Variants in PTPRA observed in about 807,000 individuals in gnomAD.
The protein encoded by PTPRA is receptor-type tyrosine-protein phosphatase alpha.
Under a neutral mutation model 104.8 loss-of-function variants are expected in PTPRA, and 25 were observed. That is an observed-to-expected ratio of 0.24 (90% CI 0.17 to 0.33). PTPRA has a LOEUF of 0.33. Ranked by LOEUF, PTPRA falls within the 10% of genes least tolerant of loss-of-function variation. The probability of loss-of-function intolerance (pLI) is 1.00; values close to 1 mark genes in which losing one functional copy is unlikely to be tolerated. For synonymous variants in PTPRA, 323 were observed against 368.9 expected (o/e 0.88, Z 1.43); for missense variants, 765 against 1,015.3 (o/e 0.75, Z 3.35).
At chr20:3,017,784 A>T in intron 12 of PTPRA, 32 bp from the exon 13 acceptor site, 1 of 1,578,504 alleles carries the variant, frequency 6.3e-7, no homozygotes, top group Non-Finnish European at 8.7e-7. Flanking sequence ...CTTGGTGTAT[A>T]TTCTCTTCAT....
intron 1 of PTPRA, among the ~76,000 whole-genome samples, chr20:2,919,616 T>A (rs1034303984): frequency 6.6e-6 from 1 of 151,888 alleles, no homozygotes; most frequent in South Asian, 2.1e-4. Flanking sequence ...AAATCATAGT[T>A]CACTGCAACC....
Position 3,007,360 on chromosome 20 carries a change from C to T in PTPRA, c.846C>T (p.Val282=). ...GTTTCCTAGATGACCACTCTAGAGT[C>T]CACCTGACACCGGTTGAAGGGGTTC... is the stretch of plus-strand genomic sequence containing the variant. ...VNILPYDHSR[V]HLTPVEGVPD... Residue 282 remains valine, a synonymous_variant, in exon 11 of 24, where the codon GTC becomes GTT. Transcript: ENST00000399903. The T allele has an allele frequency of 1.2e-6, 2 of 1,613,956 alleles. No homozygotes were observed. Among genetic ancestry groups the T allele is most frequent in the Non-Finnish European group, 1.7e-6 (2 of 1,179,852 alleles).
chr20:2,880,214 A>G lies in PTPRA; in HGVS notation c.-129+6454A>G, dbSNP rs545426168. 3.9e-5 allele frequency among the ~76,000 whole-genome samples: 6 copies of G among 152,350 alleles called. No individual in the cohort carries two copies. In the East Asian group the frequency reaches 1.2e-3, roughly 29 times the overall value. ...CTGTAGTCCAGAGCAGTAGTTTTCA[A>G]ATTGAGGTAGATAAGATGATCCAGG... is the stretch of plus-strand genomic sequence containing the variant. On this transcript the variant is annotated intron_variant, in intron 1 of 23. Coordinates refer to ENST00000399903, the MANE Select transcript of PTPRA (RefSeq NM_001385305.1).
intron 9 of PTPRA, among the ~76,000 whole-genome samples, chr20:2,994,241 A>G (rs116635089): frequency 0.022 from 3,412 of 152,228 alleles, 99 homozygotes; most frequent in African/African-American, 0.065. Flanking sequence ...GTTCCTCCTT[A>G]CAGATGCCTG....
chr20:2,921,637 A>G (rs2060100934), intron 1 of PTPRA, among the ~76,000 whole-genome samples: 1 of 152,054 alleles, frequency 6.6e-6, no homozygotes, highest in Non-Finnish European at 1.5e-5. Context: ...GTGAACGTGA[A>G]TGTTAATTTA....
At chr20:2,999,278 A>G (rs945875093) in intron 9 of PTPRA, among the ~76,000 whole-genome samples, 1 of 152,182 alleles carries the variant, frequency 6.6e-6, no homozygotes, top group South Asian at 2.1e-4. Flanking sequence ...AAAGATGTCA[A>G]TTCTCCCCCA....
rs1445531398 is a variant in PTPRA, at chr20:3,035,636, A to G, written c.1972A>G (p.Ile658Val). ...TGATGGACTGGTGTCCTATGGAGAT[A>G]TTACAGTGGAACTGAAGAAGGAGGA... ...PSDGLVSYGD[I>V]TVELKKEEEC... The change falls in exon 21 of 24, where the codon ATT becomes GTT. Residue 658 changes from isoleucine (I) to valine (V), a missense_variant. Physicochemically the swap from Ile to Val is conservative, Grantham distance 29 (BLOSUM62 3). Coordinates refer to ENST00000399903, the MANE Select transcript of PTPRA (RefSeq NM_001385305.1). The surrounding 1 kb of genome is among the most constrained non-coding windows in gnomAD (Gnocchi z 5.8). 9.3e-6 allele frequency: 15 copies of G among 1,613,804 alleles called. No individual in the cohort carries two copies. Among genetic ancestry groups the G allele is most frequent in the Admixed American group, 1.7e-5 (1 of 59,996 alleles).
intron 3 of PTPRA, 58 bp downstream of exon 3, chr20:2,948,082 C>G (rs2061205158): frequency 3.4e-6 from 3 of 873,316 alleles, no homozygotes; most frequent in Non-Finnish European, 4.8e-6. Context: ...AGAAAGGAAA[C>G]ATGGAATTCT....
chr20:2,964,925 G>C lies in PTPRA; in HGVS notation c.138G>C (p.Glu46Asp). Residue 46 changes from glutamate to aspartate, a missense_variant, in exon 5 of 24, where the codon GAG becomes GAC. Around this residue, in one of 4 missense-constraint regions of PTPRA, gnomAD observed 256 missense variants for 248.9 expected, o/e 1.03. Transcript: ENST00000399903. ...CAACGGCAGAACCAGTTAAAGAAGA[G>C]GCCAAAACTTCAAATCCAACTTCTT... The part of the protein sequence containing the change: ...NSSTAEPVKE[E>D]AKTSNPTSSL... 2 of 1,614,048 alleles carry C rather than the reference G, an allele frequency of 1.2e-6. No homozygotes were observed. Among genetic ancestry groups the C allele is most frequent in the Non-Finnish European group, 1.7e-6 (2 of 1,179,962 alleles).
At chr20:2,895,564 T>TC (rs2147034468) in intron 1 of PTPRA, among the ~76,000 whole-genome samples, 1 of 152,316 alleles carries the variant, frequency 6.6e-6, no homozygotes, top group African/African-American at 2.4e-5. Flanking sequence ...TCACCCAGGC[T>TC]GGAGTGCAAT....
At position 3,015,851 on chromosome 20, in the gene PTPRA, C is replaced by T. The variant is rs1178016; in HGVS notation, c.909C>T (p.Gly303=). 797,230 of 1,550,636 alleles carry T rather than the reference C, an allele frequency of 0.51. 209,412 individuals carry two copies. Among genetic ancestry groups the T allele is most frequent in the East Asian group, 0.84 (37,499 of 44,418 alleles). ...TTCTTTCCTTCCCCACACCCCAGGG[C>T]TACCAAGAAAAGAACAAATTCATTG... ...SDYINASFIN[G]YQEKNKFIAA... The change falls in exon 12 of 24, where the codon GGC becomes GGT. Residue 303 remains glycine, a splice_region_variant and synonymous_variant. Coordinates refer to ENST00000399903, the MANE Select transcript of PTPRA (RefSeq NM_001385305.1).
chr20:3,033,268 CTAAA>C (rs2065609230), intron 20 of PTPRA, among the ~76,000 whole-genome samples: 1 of 151,948 alleles, frequency 6.6e-6, no homozygotes, highest in Non-Finnish European at 1.5e-5. Flanking sequence ...TCTTAGCCAT[CTAAA>C]TAAATAGTAC....
At chr20:2,949,927 T>C (rs1454291872) in intron 3 of PTPRA, among the ~76,000 whole-genome samples, 1 of 152,160 alleles carries the variant, frequency 6.6e-6, no homozygotes, top group Non-Finnish European at 1.5e-5. Flanking sequence ...TTGGATAAAC[T>C]CAACTGGATC....
Position 3,037,171 on chromosome 20 carries a change from C to T in PTPRA, c.2216C>T (p.Thr739Met), listed in dbSNP as rs1472189220. 6.2e-7 allele frequency: 1 copy of T among 1,614,122 alleles called. No homozygotes were observed. Residue 739 changes from threonine (T) to methionine (M), a missense_variant, in exon 23 of 24, where the codon ACG becomes ATG. By Grantham distance (81) the Thr-to-Met change is moderately conservative. Transcript: ENST00000399903. The surrounding 1 kb of genome is among the most constrained non-coding windows in gnomAD (Gnocchi z 4.3). ...TVHCSAGAGR[T>M]GTFCALSTVL... ...TGTTGCAGCGCCGGGGCAGGAAGGA[C>T]GGGGACCTTCTGTGCCCTGAGCACC... is the stretch of plus-strand genomic sequence containing the variant.
At chr20:3,010,563 G>A (rs917539500) in intron 11 of PTPRA, among the ~76,000 whole-genome samples, 12 of 152,256 alleles carry the variant, frequency 7.9e-5, no homozygotes, top group Non-Finnish European at 1.5e-4. Context: ...GGGAGGCGGA[G>A]CTTGCAGTGA....
intron 12 of PTPRA, 65 bp from the exon 13 acceptor site, chr20:3,017,751 C>T (rs900418411): frequency 9.2e-5 from 131 of 1,426,648 alleles, no homozygotes; most frequent in Admixed American, 4.9e-4. Flanking sequence ...AATGGATGTT[C>T]CCAGCCTCCC....
chr20:2,885,941 A>G (rs986635123), intron 1 of PTPRA, among the ~76,000 whole-genome samples: 2 of 152,112 alleles, frequency 1.3e-5, no homozygotes, highest in South Asian at 2.1e-4. Flanking sequence ...GCACGCACCT[A>G]TAATCCCAGC....
At chr20:2,864,366 G>A in the PTPRA span, 51 of 1,614,076 alleles carry the variant, frequency 3.2e-5, no homozygotes, top group South Asian at 5.4e-4. The surrounding 1 kb of genome is among the most constrained non-coding windows in gnomAD (Gnocchi z 5.2). Flanking sequence ...CTCCTGCAGT[G>A]TTCACGGTGT....
Position 3,017,880 on chromosome 20 carries a change from C to A in PTPRA, c.1008C>A (p.Ile336=). Reference sequence around the variant, plus strand: ...TCTGGGAACAAAACACAGCCACCATCGTCATGGTTACCAACCTGAAGGAGA... The same window carrying A: ...TCTGGGAACAAAACACAGCCACCATAGTCATGGTTACCAACCTGAAGGAGA... The part of the protein sequence containing the change: ...RMIWEQNTAT[I]VMVTNLKERK... The change falls in exon 13 of 24, where the codon ATC becomes ATA. Residue 336 remains isoleucine, a synonymous_variant. Coordinates refer to ENST00000399903, the MANE Select transcript of PTPRA (RefSeq NM_001385305.1). 6.2e-7 allele frequency: 1 copy of A among 1,614,122 alleles called. No homozygotes were observed. The highest frequency in any genetic ancestry group is 8.5e-7 in the Non-Finnish European group (1 of 1,180,006).
Sources: gnomAD v4.1 joint callset for allele counts (sites outside exome capture counted in the v4.1 genomes callset) on GRCh38, gnomAD v4.1.1 for gene constraint, gnomAD v4.1.1 regional missense constraint, Gnocchi (gnomAD v3.1) non-coding constraint, MANE v1.5 for transcripts, NCBI Gene and HGNC (gene_info 2026-07-23, HGNC 2026-07-21) for gene names.